Variants in DNMT3A observed in about 807,000 individuals in gnomAD.
DNMT3A encodes DNA methyltransferase 3 alpha, also known as DNA (cytosine-5)-methyltransferase 3A.
Under a neutral mutation model 117.6 loss-of-function variants are expected in DNMT3A, and 267 were observed. The observed-to-expected ratio is 2.27, with a 90% CI of 2.05 to 2.51. DNMT3A has a LOEUF of 2.51. Among genes scored for constraint, DNMT3A ranks in the 30% most tolerant of loss-of-function variants. The pLI is 0.00. For synonymous variants in DNMT3A, 432 were observed against 474.8 expected (o/e 0.91, Z 1.17); for missense variants, 1,029 against 1,260.2 (o/e 0.82, Z 2.78).
chr2:25,253,211 C>T (rs1675807126), intron 6 of DNMT3A, among the ~76,000 whole-genome samples: 1 of 152,098 alleles, frequency 6.6e-6, no homozygotes, highest in Non-Finnish European at 1.5e-5. Flanking sequence ...AGGCACCTAC[C>T]CCCAAGGCAG....
chr2:25,265,170 T>C (rs575983606), intron 6 of DNMT3A, among the ~76,000 whole-genome samples: 1 of 152,188 alleles, frequency 6.6e-6, no homozygotes, highest in Admixed American at 6.5e-5. Flanking sequence ...ACCACATGAG[T>C]AGAGCAGGGA....
chr2:25,300,732 T>TAC (rs1558722892), intron 2 of DNMT3A, among the ~76,000 whole-genome samples: 1 of 32,836 alleles, frequency 3.0e-5, no homozygotes, highest in African/African-American at 1.3e-4. Context: ...TATATATATA[T>TAC]ATATATATAT....
At chr2:25,259,458 C>T (rs1676427577) in intron 6 of DNMT3A, among the ~76,000 whole-genome samples, 1 of 152,204 alleles carries the variant, frequency 6.6e-6, no homozygotes, top group Non-Finnish European at 1.5e-5. Context: ...TAACCCCTAG[C>T]TTCTTTGGGC....
Position 25,236,954 on chromosome 2 carries a change from C to T in DNMT3A, c.2460G>A (p.Glu820=), listed in dbSNP as rs1215121287. 2 of 1,613,578 alleles carry T rather than the reference C, an allele frequency of 1.2e-6. No individual in the cohort carries two copies. Among genetic ancestry groups the T allele is most frequent in the South Asian group, 2.2e-5 (2 of 90,890 alleles). Residue 820 remains glutamate (E), a synonymous_variant, in exon 21 of 23, where the codon GAG becomes GAA. Transcript: ENST00000321117. The surrounding 1 kb of genome is among the most constrained non-coding windows in gnomAD (Gnocchi z 4.5). ...AGCTGACCTTGGCTATCCTGCCATG[C>T]TCCAGACACTCCTGCAGCTCCAGCT... ...NDKLELQECL[E]HGRIAKFSKV...
Position 25,247,714 on chromosome 2 carries a change from CCA to C in DNMT3A, c.889_890del (p.Trp297GlyfsTer26). The C allele has an allele frequency of 6.2e-7, 1 of 1,613,464 alleles. No individual in the cohort carries two copies. Among genetic ancestry groups the C allele is most frequent in the Non-Finnish European group, 8.5e-7 (1 of 1,180,016 alleles). On this transcript the variant is annotated frameshift_variant, in exon 8 of 23. Transcript: ENST00000321117. LOFTEE classifies it high-confidence loss of function. The surrounding 1 kb of genome is among the most constrained non-coding windows in gnomAD (Gnocchi z 5.6). ...ACCAGGAGAAGCCCCGCAGTTTCCC[CCA>C]CACCAGCTCCCCAATGCCAAAGCCC... ...GRGFGIGELV[W>X]GKLRGFSWWP... is the part of the protein sequence containing the mutation.
chr2:25,263,746 C>T (rs1676797342), intron 6 of DNMT3A, among the ~76,000 whole-genome samples: 1 of 152,180 alleles, frequency 6.6e-6, no homozygotes, highest in Non-Finnish European at 1.5e-5. Context: ...CTCCAAACTC[C>T]TAGAGGATTT....
At chr2:25,243,864 G>A in intron 16 of DNMT3A, 34 bp downstream of exon 16, 1 of 1,551,276 alleles carries the variant, frequency 6.4e-7, no homozygotes, top group South Asian at 1.2e-5. Flanking sequence ...CCTGGGACAA[G>A]GCGGCCAGCA....
chr2:25,341,589 C>T lies in DNMT3A; in HGVS notation c.-178+237G>A, dbSNP rs1398484739. Among the ~76,000 whole-genome samples the T allele has an allele frequency of 2.0e-5, 3 of 146,994 alleles. No individual in the cohort carries two copies. The East Asian group carries it at 6.0e-4, about 29-fold the overall frequency. ...GGAGCGGGCGGGACGGGAGGGGGCG[C>T]CTGCCGAGCCCGCGGGGACATAAAC... On this transcript the variant is annotated intron_variant, in intron 1 of 22. Transcript: ENST00000321117.
intron 10 of DNMT3A, 123 bp from the exon 11 acceptor site, chr2:25,246,432 A>C (rs1434413210): frequency 1.4e-6 from 2 of 1,442,782 alleles, no homozygotes; most frequent in Admixed American, 4.6e-5. Flanking sequence ...TCCCAACTCT[A>C]CGGTTCTAGC....
At chr2:25,328,633 A>G in intron 1 of DNMT3A, 1 of 513,826 alleles carries the variant, frequency 1.9e-6, no homozygotes, top group Non-Finnish European at 4.0e-6. Flanking sequence ...GTGACCCTGG[A>G]GGCAGAGAGG....
intron 3 of DNMT3A, among the ~76,000 whole-genome samples, chr2:25,289,288 T>C (rs1228677153): frequency 6.6e-6 from 1 of 151,846 alleles, no homozygotes; most frequent in Non-Finnish European, 1.5e-5. Context: ...TTTTTAGAGA[T>C]GGGGTTTCTC....
chr2:25,250,498 C>G (rs1486346505), intron 6 of DNMT3A, among the ~76,000 whole-genome samples: 1 of 152,132 alleles, frequency 6.6e-6, no homozygotes, highest in Non-Finnish European at 1.5e-5. Context: ...AATTGCTCAT[C>G]GCTCCCTAGC....
intron 1 of DNMT3A, among the ~76,000 whole-genome samples, chr2:25,338,624 G>A (rs535928330): frequency 9.7e-4 from 148 of 152,280 alleles, no homozygotes; most frequent in Admixed American, 2.5e-3. Flanking sequence ...AGGCCTCACC[G>A]CTTGTCCAAT....
rs1028415488 is a variant in DNMT3A, at chr2:25,245,139, A to C, written c.1554+114T>G. 4 of 967,596 alleles carry C rather than the reference A, an allele frequency of 4.1e-6. No individual in the cohort carries two copies. The African/African-American group carries it at 4.8e-5, about 12-fold the overall frequency. 59.9% of individuals were successfully genotyped at this position (967,596 alleles called of 1,614,324 possible). On this transcript the variant is annotated intron_variant, in intron 13 of 22. Coordinates refer to ENST00000321117, the MANE Select transcript of DNMT3A (RefSeq NM_022552.5). ...TTCCAGAGGAAGCTCTGAAGTCTACATCACACGCACACCGGGTGTCACCCT... is the reference window on the plus strand; with the variant it reads ...TTCCAGAGGAAGCTCTGAAGTCTACCTCACACGCACACCGGGTGTCACCCT...
chr2:25,236,939 G>A lies in DNMT3A; in HGVS notation c.2475C>T (p.Ala825=). 6.2e-7 allele frequency: 1 copy of A among 1,612,824 alleles called. No individual in the cohort carries two copies. Among genetic ancestry groups the A allele is most frequent in the South Asian group, 1.1e-5 (1 of 90,664 alleles). Residue 825 remains alanine, a synonymous_variant, in exon 21 of 23, where the codon GCC becomes GCT. Transcript: ENST00000321117. The surrounding 1 kb of genome is among the most constrained non-coding windows in gnomAD (Gnocchi z 4.5). ...LQECLEHGRI[A]KFSKVRTITT... ...GGTTCTAGACGCTGGAGCTGACCTT[G>A]GCTATCCTGCCATGCTCCAGACACT...
intron 13 of DNMT3A, among the ~76,000 whole-genome samples, chr2:25,244,879 G>A (rs527793878): frequency 1.3e-5 from 2 of 152,326 alleles, no homozygotes; most frequent in African/African-American, 2.4e-5. Context: ...CAAGGCCAGG[G>A]AGGGGGCTGC....
At chr2:25,244,778 G>T in intron 13 of DNMT3A, 126 bp from the exon 14 acceptor site, 2 of 754,874 alleles carry the variant, frequency 2.6e-6, no homozygotes, top group Non-Finnish European at 4.5e-6. Flanking sequence ...CACCACCTTA[G>T]CCAGGGTCAG....
At chr2:25,317,927 G>T (rs1241333561) in intron 1 of DNMT3A, among the ~76,000 whole-genome samples, 1 of 152,108 alleles carries the variant, frequency 6.6e-6, no homozygotes, top group Non-Finnish European at 1.5e-5. Context: ...TAGAGATGGG[G>T]TTTCTCCATG....
At position 25,246,689 on chromosome 2, in the gene DNMT3A, T is replaced by C. The variant is rs757857998; in HGVS notation, c.1210A>G (p.Lys404Glu). 6.2e-7 allele frequency: 1 copy of C among 1,613,826 alleles called. No individual in the cohort carries two copies. Among genetic ancestry groups the C allele is most frequent in the Admixed American group, 1.7e-5 (1 of 60,032 alleles). ...CCCAGGGCCCATTCAATCATGGGCT[T>C]GTTCTGCACCTCCACGGCCTTGGCA... ...DTAKAVEVQN[K>E]PMIEWALGGF... Residue 404 changes from lysine (K) to glutamate (E), a missense_variant, in exon 10 of 23, where the codon AAG becomes GAG. Physicochemically the swap from Lys to Glu is moderately conservative, Grantham distance 56 (BLOSUM62 1). Transcript: ENST00000321117.
Sources: gnomAD v4.1 joint callset for allele counts (sites outside exome capture counted in the v4.1 genomes callset) on GRCh38, gnomAD v4.1.1 for gene constraint, Gnocchi (gnomAD v3.1) non-coding constraint, MANE v1.5 for transcripts, NCBI Gene and HGNC (gene_info 2026-07-23, HGNC 2026-07-21) for gene names.